GTF2I: variants seen among roughly 807,000 people sequenced by gnomAD.
GTF2I encodes the protein general transcription factor IIi, also known as general transcription factor II-I.
Under a neutral mutation model 67.6 loss-of-function variants are expected in GTF2I, and 12 were observed. The ratio of observed to expected loss-of-function variants is 0.18; its 90% CI spans 0.11 to 0.29. The LOEUF (loss-of-function observed/expected upper bound fraction) is 0.29. Ranked by LOEUF, GTF2I falls within the 10% of genes least tolerant of loss-of-function variation. GTF2I has a pLI of 1.00. For missense variants in GTF2I, 271 were observed against 580.1 expected, an observed-to-expected ratio of 0.47 and a Z score of 5.47; for synonymous variants, 149 against 197.0, an observed-to-expected ratio of 0.76 and a Z score of 2.04.
intron 3 of GTF2I, 34 bp from the exon 4 acceptor site, chr7:74,698,927 T>C: frequency 9.0e-7 from 1 of 1,108,998 alleles, no homozygotes; most frequent in East Asian, 2.9e-5. Context: ...ACCTTATTAT[T>C]ATTTTTTTAT....
At chr7:74,692,290 G>T (rs776105079) in intron 3 of GTF2I, among the ~76,000 whole-genome samples, 20 of 151,184 alleles carry the variant, frequency 1.3e-4, no homozygotes, top group Non-Finnish European at 2.4e-4. Flanking sequence ...GGCCAGGCTG[G>T]TCTTGAGCTC....
chr7:74,679,371 ATT>A (rs1303568856), intron 1 of GTF2I, among the ~76,000 whole-genome samples: 54 of 151,068 alleles, frequency 3.6e-4, no homozygotes, highest in African/African-American at 1.3e-3. Context: ...CCGCTGCCAT[ATT>A]TTCCATTTAT....
intron 1 of GTF2I, among the ~76,000 whole-genome samples, chr7:74,666,870 C>G (rs1041209491): frequency 2.0e-5 from 3 of 151,708 alleles, no homozygotes; most frequent in African/African-American, 7.3e-5. Flanking sequence ...GTCCCAGCTA[C>G]TCAGGAGGCT....
At chr7:74,715,910 C>T (rs112697960) in intron 10 of GTF2I, among the ~76,000 whole-genome samples, 3 of 152,100 alleles carry the variant, frequency 2.0e-5, no homozygotes, top group East Asian at 1.9e-4. Flanking sequence ...TTTTTCAGAC[C>T]GTAAGCATTG....
At chr7:74,670,380 C>G (rs1399895673) in intron 1 of GTF2I, among the ~76,000 whole-genome samples, 1 of 152,086 alleles carries the variant, frequency 6.6e-6, no homozygotes, top group Non-Finnish European at 1.5e-5. Flanking sequence ...TGTTGCCTGC[C>G]TTCTGTGAAC....
Position 74,661,178 on chromosome 7 carries a change from G to C in GTF2I, c.-6+3110G>C, listed in dbSNP as rs770789137. On this transcript the variant is annotated intron_variant, in intron 1 of 34. Coordinates refer to ENST00000573035, the MANE Select transcript of GTF2I (RefSeq NM_032999.4). Reference sequence around the variant, plus strand: ...ACCGCGCCTGGGCGTCCCCGGGAGAGCTGGCATGTGCGGACTCTGCTTGCT... The same window carrying C: ...ACCGCGCCTGGGCGTCCCCGGGAGACCTGGCATGTGCGGACTCTGCTTGCT... Among the ~76,000 whole-genome samples, 94 of 152,094 alleles carry C rather than the reference G, an allele frequency of 6.2e-4. 1 individual carries two copies. Among genetic ancestry groups the C allele is most frequent in the Non-Finnish European group, 1.1e-3 (76 of 68,022 alleles).
At chr7:74,733,782 A>AG (rs1554407182) in intron 15 of GTF2I, 141 bp from the exon 16 acceptor site, 26 of 317,874 alleles carry the variant, frequency 8.2e-5, no homozygotes, top group Non-Finnish European at 1.3e-4. Context: ...AAAAAAAAAA[A>AG]GATTTAGTTG....
Position 74,705,090 on chromosome 7 carries a change from A to T in GTF2I, c.587-74A>T. 5 of 900,488 alleles carry T rather than the reference A, an allele frequency of 5.6e-6. No homozygotes were observed. In the South Asian group the frequency reaches 6.7e-5, roughly 12 times the overall value. 55.8% of individuals were successfully genotyped at this position (900,488 alleles called of 1,614,324 possible). On this transcript the variant is annotated intron_variant, in intron 6 of 34. Transcript: ENST00000573035. ...AGCCTAGTTCTACCCCACTAATTCT[A>T]TATTTAAAGCCTTTAGACATATTAT...
chr7:74,666,366 T>A (rs1804967761), intron 1 of GTF2I, among the ~76,000 whole-genome samples: 1 of 152,164 alleles, frequency 6.6e-6, no homozygotes, highest in Non-Finnish European at 1.5e-5. Flanking sequence ...GGCATTAGAC[T>A]TTAATGCACT....
intron 9 of GTF2I, among the ~76,000 whole-genome samples, chr7:74,713,662 A>C (rs1021879661): frequency 6.6e-6 from 1 of 152,238 alleles, no homozygotes; most frequent in Non-Finnish European, 1.5e-5. Context: ...TGAGGGCCTC[A>C]TTAAAAATAT....
intron 1 of GTF2I, among the ~76,000 whole-genome samples, chr7:74,676,649 T>C (rs1554392476): frequency 6.6e-6 from 1 of 152,196 alleles, no homozygotes; most frequent in African/African-American, 2.4e-5. Context: ...CTGAACTGAT[T>C]ATATTAAATG....
chr7:74,747,792 CAAAA>C lies in GTF2I; in HGVS notation c.2069-208_2069-205del, dbSNP rs4028287. 5.9e-4 allele frequency among the ~76,000 whole-genome samples: 21 copies of C among 35,316 alleles called. No individual in the cohort carries two copies. The East Asian group carries it at 0.019, about 32-fold the overall frequency. The allele number at this position is 35,316 out of a possible 152,430, so 23.2% of individuals were successfully genotyped here. A position where few individuals can be genotyped will look rare whatever the true frequency, so the allele number is the denominator to read the frequency against. On this transcript the variant is annotated intron_variant, in intron 23 of 34. Coordinates refer to ENST00000573035, the MANE Select transcript of GTF2I (RefSeq NM_032999.4). ...GGGCAACAAGAGCGAAACTTTGTCT[CAAAA>C]AAAAAAAAAAAAAAGAAGAAGAAGA...
chr7:74,721,112 G>A (rs1792929593), intron 12 of GTF2I, among the ~76,000 whole-genome samples: 1 of 152,164 alleles, frequency 6.6e-6, no homozygotes, highest in Non-Finnish European at 1.5e-5. Context: ...CGCTATCTCG[G>A]CTCACCGCAA....
At position 74,662,511 on chromosome 7, in the gene GTF2I, C is replaced by CTTTTTTTTTTTTTTTTTTTT. The variant is rs1161320476; in HGVS notation, c.-6+4453_-6+4472dup. On this transcript the variant is annotated intron_variant, in intron 1 of 34. Transcript: ENST00000573035. ...AGGCGTGAGCCACTGCACCTGGACC[C>CTTTTTTTTTTTTTTTTTTTT]TTTTTTTTTTTTTTTTTTTTTTTTT... is the stretch of plus-strand genomic sequence containing the variant. Among the ~76,000 whole-genome samples the CTTTTTTTTTTTTTTTTTTTT allele has an allele frequency of 6.0e-5, 3 of 50,220 alleles. 1 individual carries two copies. The highest frequency in any genetic ancestry group is 8.3e-5 in the African/African-American group (1 of 12,050). 32.9% of individuals were successfully genotyped at this position (50,220 alleles called of 152,430 possible).
chr7:74,704,280 A>T (rs1209407107), intron 6 of GTF2I, among the ~76,000 whole-genome samples: 1 of 148,616 alleles, frequency 6.7e-6, no homozygotes, highest in Non-Finnish European at 1.5e-5. Context: ...TTATTTATTT[A>T]TTTATTTATT....
At chr7:74,699,752 C>A (rs1789480924) in intron 4 of GTF2I, 2 of 155,706 alleles carry the variant, frequency 1.3e-5, no homozygotes, top group South Asian at 3.9e-4. Context: ...AAAATCAATT[C>A]TCTGGAATGG....
At chr7:74,718,376 T>C (rs1562972128) in intron 11 of GTF2I, among the ~76,000 whole-genome samples, 3 of 152,262 alleles carry the variant, frequency 2.0e-5, no homozygotes, top group Admixed American at 1.3e-4. Flanking sequence ...TTTTGAAATA[T>C]GTTGCATACA....
intron 1 of GTF2I, among the ~76,000 whole-genome samples, chr7:74,663,975 A>ATGT (rs1804744052): frequency 6.6e-6 from 1 of 151,480 alleles, no homozygotes; most frequent in African/African-American, 2.4e-5. Context: ...GACTATAGGC[A>ATGT]CCCGCCACCA....
chr7:74,657,761 C>T lies in GTF2I; in HGVS notation c.-313C>T, dbSNP rs1399595365. ...GCAGAGAAAAGGGGCCACCGGTCGCCCCCCCGCTTCCCCGCACGCGCTCTC... is the reference window on the plus strand; with the variant it reads ...GCAGAGAAAAGGGGCCACCGGTCGCTCCCCCGCTTCCCCGCACGCGCTCTC... On this transcript the variant is annotated 5_prime_UTR_variant, in exon 1 of 35. Transcript: ENST00000573035. The T allele has an allele frequency of 1.3e-5, 2 of 152,168 alleles. No individual in the cohort carries two copies. Among genetic ancestry groups the T allele is most frequent in the Admixed American group, 1.3e-4 (2 of 15,234 alleles). The allele number at this position is 152,168 out of a possible 1,614,324, so 9.4% of individuals were successfully genotyped here.
Sources: gnomAD v4.1 joint callset for allele counts (sites outside exome capture counted in the v4.1 genomes callset) on GRCh38, gnomAD v4.1.1 for gene constraint, MANE v1.5 for transcripts, NCBI Gene and HGNC (gene_info 2026-07-23, HGNC 2026-07-21) for gene names.